TTC17: variants seen among roughly 807,000 people sequenced by gnomAD.
TTC17 encodes tetratricopeptide repeat domain 17.
TTC17 carries 58 observed loss-of-function variants against 143.8 expected under a neutral mutation model. The observed-to-expected ratio is 0.40, with a 90% CI of 0.33 to 0.50. The LOEUF (loss-of-function observed/expected upper bound fraction) is 0.50. TTC17 is among the 20% of genes least tolerant of loss of function. TTC17 has a pLI of 0.49. For synonymous variants in TTC17, 501 were observed against 497.8 expected, an observed-to-expected ratio of 1.01 and a Z score of -0.09; for missense variants, 1,273 against 1,392.5, an observed-to-expected ratio of 0.91 and a Z score of 1.37.
intron 21 of TTC17, among the ~76,000 whole-genome samples, chr11:43,483,210 A>C (rs902220872): frequency 2.6e-5 from 4 of 152,082 alleles, no homozygotes; most frequent in African/African-American, 9.7e-5. Context: ...TCTCACAAAG[A>C]TTACAACAAG....
intron 5 of TTC17, 139 bp downstream of exon 5, chr11:43,392,091 C>G: frequency 3.0e-6 from 3 of 992,780 alleles, no homozygotes; most frequent in Middle Eastern, 2.8e-4. Context: ...TACATTGATG[C>G]AAATTGCATA....
intron 21 of TTC17, among the ~76,000 whole-genome samples, chr11:43,458,673 A>C (rs1234884046): frequency 1.3e-5 from 2 of 152,134 alleles, no homozygotes; most frequent in African/African-American, 4.8e-5. Flanking sequence ...CCATCCAATT[A>C]TGGCATCAGG....
intron 1 of TTC17, among the ~76,000 whole-genome samples, chr11:43,377,711 T>A (rs1035319557): frequency 6.6e-6 from 1 of 152,196 alleles, no homozygotes; most frequent in Non-Finnish European, 1.5e-5. Flanking sequence ...TTCCTCACAA[T>A]TGAATGTTGA....
At chr11:43,492,690 T>C (rs1464678876) in intron 23 of TTC17, among the ~76,000 whole-genome samples, 2 of 152,248 alleles carry the variant, frequency 1.3e-5, no homozygotes, top group East Asian at 3.8e-4. Context: ...TTTTGGCACA[T>C]GGTAGGTGCT....
chr11:43,460,336 C>CT (rs1185535446), intron 21 of TTC17, among the ~76,000 whole-genome samples: 1 of 152,122 alleles, frequency 6.6e-6, no homozygotes, highest in Non-Finnish European at 1.5e-5. Context: ...AGATCTATAA[C>CT]TTCAATAGGT....
chr11:43,366,687 C>G (rs1368277277), intron 1 of TTC17, among the ~76,000 whole-genome samples: 1 of 152,088 alleles, frequency 6.6e-6, no homozygotes, highest in Non-Finnish European at 1.5e-5. Context: ...CAAACTCTTT[C>G]TATTGACAAG....
At chr11:43,375,342 G>C (rs1424761068) in intron 1 of TTC17, among the ~76,000 whole-genome samples, 1 of 152,156 alleles carries the variant, frequency 6.6e-6, no homozygotes. Flanking sequence ...GGGACTTATG[G>C]ATATTGGATA....
At chr11:43,447,194 A>T (rs1947562450) in intron 18 of TTC17, among the ~76,000 whole-genome samples, 1 of 152,194 alleles carries the variant, frequency 6.6e-6, no homozygotes, top group Non-Finnish European at 1.5e-5. Context: ...CTAACTTAAA[A>T]AAAGAAAAAT....
rs187494639 is a variant in TTC17, at chr11:43,433,326, G to A, written c.2252-9999G>A. Among the ~76,000 whole-genome samples the A allele has an allele frequency of 1.6e-4, 24 of 152,298 alleles. 1 individual carries two copies. Among genetic ancestry groups the A allele is most frequent in the Non-Finnish European group, 8.8e-5 (6 of 68,028 alleles). ...ACTGGTCTGTTTTTAACAGTTGAGCGTAAGAACGTTAGTATTCACAATTCT... is the reference window on the plus strand; with the variant it reads ...ACTGGTCTGTTTTTAACAGTTGAGCATAAGAACGTTAGTATTCACAATTCT... On this transcript the variant is annotated intron_variant, in intron 16 of 23. Coordinates refer to ENST00000039989, the MANE Select transcript of TTC17 (RefSeq NM_018259.6).
At chr11:43,416,199 T>C (rs1946775490) in intron 16 of TTC17, among the ~76,000 whole-genome samples, 1 of 152,070 alleles carries the variant, frequency 6.6e-6, no homozygotes, top group East Asian at 1.9e-4. Flanking sequence ...CTACTGCATC[T>C]TCTCGCAACA....
rs531314905 is a variant in TTC17 at position 43,458,354 on chromosome 11, C to T, written c.3030+7089C>T. Among the ~76,000 whole-genome samples, 13 of 152,226 alleles carry T rather than the reference C, an allele frequency of 8.5e-5. No individual in the cohort carries two copies. In the South Asian group the frequency reaches 2.5e-3, roughly 29 times the overall value. ...CTCCAGCTCCCCATGGTCTCTCTGGCACAGTAATAAGCACGTGATGGGTCA... is the reference window on the plus strand; with the variant it reads ...CTCCAGCTCCCCATGGTCTCTCTGGTACAGTAATAAGCACGTGATGGGTCA... On this transcript the variant is annotated intron_variant, in intron 21 of 23. Coordinates refer to ENST00000039989, the MANE Select transcript of TTC17 (RefSeq NM_018259.6).
At position 43,358,965 on chromosome 11, in the gene TTC17, C is replaced by CAGTAGGG; in HGVS notation, c.12_18dup (p.Val7SerfsTer61). 1 of 1,577,194 alleles carries CAGTAGGG rather than the reference C, an allele frequency of 6.3e-7. No individual in the cohort carries two copies. The highest frequency in any genetic ancestry group is 8.6e-7 in the Non-Finnish European group (1 of 1,162,624). On this transcript the variant is annotated frameshift_variant, in exon 1 of 24. Transcript: ENST00000039989. LOFTEE classifies it high-confidence loss of function. ...GGCCGGGGGGGCAAGATGGCGGCGGCAGTAGGGGTTCGTGGCCGGTACGAG... is the reference window on the plus strand; with the variant it reads ...GGCCGGGGGGGCAAGATGGCGGCGGCAGTAGGGAGTAGGGGTTCGTGGCCGGTACGAG...
chr11:43,370,804 GTT>G (rs1856537134), intron 1 of TTC17, among the ~76,000 whole-genome samples: 1 of 141,878 alleles, frequency 7.0e-6, no homozygotes, highest in Non-Finnish European at 1.5e-5. Context: ...AGGTTTGTTT[GTT>G]TGTTTGTTTG....
At chr11:43,473,843 C>T (rs1443691308) in intron 21 of TTC17, among the ~76,000 whole-genome samples, 1 of 150,846 alleles carries the variant, frequency 6.6e-6, no homozygotes, top group Non-Finnish European at 1.5e-5. Context: ...AGATTGCACC[C>T]CTGCACTTCA....
chr11:43,400,146 G>C, intron 9 of TTC17, 98 bp downstream of exon 9: 1 of 1,371,572 alleles, frequency 7.3e-7, no homozygotes, highest in Non-Finnish European at 9.9e-7. Context: ...GCAGTGTGAA[G>C]TTGTGTTTAT....
At chr11:43,387,229 T>C (rs906394479) in intron 2 of TTC17, among the ~76,000 whole-genome samples, 4 of 152,228 alleles carry the variant, frequency 2.6e-5, no homozygotes, top group African/African-American at 9.6e-5. Flanking sequence ...TAGTCCATAT[T>C]TTATAGTGTA....
rs1176133837 is a variant in TTC17, at chr11:43,393,841, T to G, written c.663+1889T>G. ...TTGTTCTTACCACATACTAGGTGGC[T>G]TAAATTTATTTCTCATAGTCTGGAG... On this transcript the variant is annotated intron_variant, in intron 5 of 23. Coordinates refer to ENST00000039989, the MANE Select transcript of TTC17 (RefSeq NM_018259.6). 6.6e-5 allele frequency among the ~76,000 whole-genome samples: 10 copies of G among 152,344 alleles called. No individual in the cohort carries two copies. In the East Asian group the frequency reaches 1.9e-3, roughly 29 times the overall value.
chr11:43,395,954 G>T (rs1279416868), intron 5 of TTC17, among the ~76,000 whole-genome samples: 1 of 151,732 alleles, frequency 6.6e-6, no homozygotes, highest in Non-Finnish European at 1.5e-5. Flanking sequence ...GGAGTCAAAG[G>T]GTAAATGTAA....
At chr11:43,404,296 C>T (rs916526104) in intron 11 of TTC17, 152 bp downstream of exon 11, 1 of 709,586 alleles carries the variant, frequency 1.4e-6, no homozygotes, top group Admixed American at 3.6e-5. Flanking sequence ...GGAAGCTATT[C>T]TGCTAGGTAG....
Sources: gnomAD v4.1 joint callset for allele counts (sites outside exome capture counted in the v4.1 genomes callset) on GRCh38, gnomAD v4.1.1 for gene constraint, MANE v1.5 for transcripts, NCBI Gene and HGNC (gene_info 2026-07-23, HGNC 2026-07-21) for gene names.